Variants in GPC6 observed in about 807,000 individuals in gnomAD.
GPC6 encodes glypican 6, also known as glypican-6.
A neutral mutation model predicts 55.2 loss-of-function variants in GPC6; 14 were observed. That is an observed-to-expected ratio of 0.25 (90% CI 0.17 to 0.40). The LOEUF (loss-of-function observed/expected upper bound fraction) is 0.40. Among genes scored for constraint, GPC6 ranks in the 10% least tolerant of loss-of-function variants. GPC6 has a pLI of 1.00. For synonymous variants in GPC6, 278 were observed against 259.6 expected, an observed-to-expected ratio of 1.07 and a Z score of -0.68; for missense variants, 641 against 708.5, an observed-to-expected ratio of 0.90 and a Z score of 1.08.
chr13:93,903,837 C>G (rs1169115783), intron 3 of GPC6, among the ~76,000 whole-genome samples: 1 of 152,036 alleles, frequency 6.6e-6, no homozygotes, highest in African/African-American at 2.4e-5. Context: ...AGTTCATTTC[C>G]CACATTCTCT....
intron 5 of GPC6, among the ~76,000 whole-genome samples, chr13:94,294,621 C>T (rs1413659183): frequency 6.6e-6 from 1 of 151,854 alleles, no homozygotes; most frequent in Non-Finnish European, 1.5e-5. Context: ...TTTCTTTTTC[C>T]AGCATCCAGA....
intron 4 of GPC6, among the ~76,000 whole-genome samples, chr13:94,042,508 A>G (rs763061543): frequency 1.3e-5 from 2 of 151,770 alleles, no homozygotes; most frequent in South Asian, 2.1e-4. Flanking sequence ...TGTAGATGTC[A>G]TGTCTCCTTA....
chr13:93,708,150 A>G (rs144927290), intron 2 of GPC6, among the ~76,000 whole-genome samples: 1 of 151,988 alleles, frequency 6.6e-6, no homozygotes, highest in Admixed American at 6.6e-5. Context: ...TGACAAGTCT[A>G]ATTATTTACA....
Position 94,086,114 on chromosome 13 carries a change from C to T in GPC6, c.877+58220C>T, listed in dbSNP as rs111640181. Among the ~76,000 whole-genome samples, 1,506 of 151,678 alleles carry T rather than the reference C, an allele frequency of 9.9e-3. 30 individuals carry two copies. Among genetic ancestry groups the T allele is most frequent in the African/African-American group, 0.035 (1,435 of 41,324 alleles). On this transcript the variant is annotated intron_variant, in intron 4 of 8. Coordinates refer to ENST00000377047, the MANE Select transcript of GPC6 (RefSeq NM_005708.5). ...ATTCAAATAGAACTTTCTCTGCTTC[C>T]GTGAATTTTTAAAATTGGTTTATAC...
chr13:93,568,856 C>T (rs1460486600), intron 2 of GPC6, among the ~76,000 whole-genome samples: 1 of 152,136 alleles, frequency 6.6e-6, no homozygotes, highest in African/African-American at 2.4e-5. Flanking sequence ...CACCTTTAGA[C>T]TAGAATCTGC....
intron 4 of GPC6, among the ~76,000 whole-genome samples, chr13:94,072,821 G>T (rs1254681965): frequency 6.6e-6 from 1 of 152,180 alleles, no homozygotes; most frequent in Non-Finnish European, 1.5e-5. Context: ...ATGTACTTTG[G>T]GGTCCATAGG....
chr13:93,218,121 T>TA, the GPC6 span, among the ~76,000 whole-genome samples: 1 of 151,616 alleles, frequency 6.6e-6, no homozygotes, highest in Non-Finnish European at 1.5e-5. Context: ...AGACTTTTTT[T>TA]TTTTTTTGCT....
chr13:93,432,855 ATCTTGGTGGAGTTTT>A lies in GPC6; in HGVS notation c.161-112403_161-112389del, dbSNP rs543572887. On this transcript the variant is annotated intron_variant, in intron 1 of 8. Transcript: ENST00000377047. ...GGGTGAGGACAGCAAAGACAAACAG[ATCTTGGTGGAGTTTT>A]TCTTTTGTGTCTGTGTGTGTGAGAG... is the stretch of plus-strand genomic sequence containing the variant. Among the ~76,000 whole-genome samples the A allele has an allele frequency of 3.4e-3, 524 of 152,132 alleles. 3 individuals carry two copies. Among genetic ancestry groups the A allele is most frequent in the South Asian group, 0.019 (90 of 4,804 alleles).
chr13:93,285,450 T>C (rs1878078417), intron 1 of GPC6, among the ~76,000 whole-genome samples: 1 of 152,204 alleles, frequency 6.6e-6, no homozygotes, highest in African/African-American at 2.4e-5. Flanking sequence ...ATGATGTCTG[T>C]GCACACTGTA....
chr13:93,706,379 T>G (rs1314902156), intron 2 of GPC6, among the ~76,000 whole-genome samples: 1 of 151,928 alleles, frequency 6.6e-6, no homozygotes, highest in Non-Finnish European at 1.5e-5. Context: ...CTATTATAAT[T>G]GTATATAGGC....
chr13:93,501,573 G>A (rs1195379371), intron 1 of GPC6, among the ~76,000 whole-genome samples: 1 of 152,130 alleles, frequency 6.6e-6, no homozygotes, highest in East Asian at 1.9e-4. Context: ...ATTCAGAAAT[G>A]TGGGTGTTGA....
At chr13:93,470,579 AC>A (rs994054403) in intron 1 of GPC6, among the ~76,000 whole-genome samples, 7 of 151,856 alleles carry the variant, frequency 4.6e-5, no homozygotes, top group African/African-American at 1.7e-4. Context: ...AATATAGTTT[AC>A]TTTTTTGTTC....
chr13:94,159,609 A>G (rs1450521273), intron 4 of GPC6, among the ~76,000 whole-genome samples: 1 of 152,156 alleles, frequency 6.6e-6, no homozygotes, highest in African/African-American at 2.4e-5. Context: ...GGAAGCTACA[A>G]TTCAAGGTGA....
At chr13:93,904,731 G>A (rs947852890) in intron 3 of GPC6, among the ~76,000 whole-genome samples, 4 of 152,036 alleles carry the variant, frequency 2.6e-5, no homozygotes, top group African/African-American at 7.2e-5. Context: ...GTGAGGCTGT[G>A]TCTCAAAAAC....
intron 4 of GPC6, among the ~76,000 whole-genome samples, chr13:94,230,750 A>G (rs1890698064): frequency 6.6e-6 from 1 of 152,216 alleles, no homozygotes; most frequent in Non-Finnish European, 1.5e-5. Context: ...CCTAGCGTAT[A>G]AATGCATAGC....
At chr13:93,436,337 G>A (rs953787156) in intron 1 of GPC6, among the ~76,000 whole-genome samples, 1 of 152,040 alleles carries the variant, frequency 6.6e-6, no homozygotes, top group African/African-American at 2.4e-5. Context: ...TAATAAATCA[G>A]GCATTTTCTT....
intron 2 of GPC6, among the ~76,000 whole-genome samples, chr13:93,688,137 A>G (rs1882117263): frequency 6.6e-6 from 1 of 152,078 alleles, no homozygotes; most frequent in Non-Finnish European, 1.5e-5. Context: ...TCAATTTATC[A>G]ACCAATTGGG....
intron 6 of GPC6, among the ~76,000 whole-genome samples, chr13:94,321,779 G>T (rs140722752): frequency 6.6e-6 from 1 of 152,206 alleles, no homozygotes; most frequent in Non-Finnish European, 1.5e-5. Flanking sequence ...CAGCCCCAGA[G>T]CTCCCCAGGC....
chr13:93,989,171 G>A (rs1881174626), intron 3 of GPC6, among the ~76,000 whole-genome samples: 1 of 152,146 alleles, frequency 6.6e-6, no homozygotes, highest in African/African-American at 2.4e-5. Flanking sequence ...AGAAATTCAT[G>A]TGATGCCTTC....
Sources: gnomAD v4.1 joint callset for allele counts (sites outside exome capture counted in the v4.1 genomes callset) on GRCh38, gnomAD v4.1.1 for gene constraint, MANE v1.5 for transcripts, NCBI Gene and HGNC (gene_info 2026-07-23, HGNC 2026-07-21) for gene names.